YIPF7: variants seen among roughly 807,000 people sequenced by gnomAD.
YIPF7 encodes Yip1 domain family member 7.
A neutral mutation model predicts 27.2 loss-of-function variants in YIPF7; 35 were observed. The observed-to-expected ratio is 1.29, with a 90% CI of 0.98 to 1.70. The LOEUF (loss-of-function observed/expected upper bound fraction) is 1.70. Ranked by LOEUF, YIPF7 falls within the 40% of genes most tolerant of loss-of-function variation. The pLI is 0.00. For synonymous variants in YIPF7, 137 were observed against 110.4 expected, an observed-to-expected ratio of 1.24 and a Z score of -1.51; for missense variants, 358 against 303.7, an observed-to-expected ratio of 1.18 and a Z score of -1.33.
At chr4:44,642,219 A>C (rs1713348949) in intron 2 of YIPF7, among the ~76,000 whole-genome samples, 2 of 152,198 alleles carry the variant, frequency 1.3e-5, no homozygotes, top group Non-Finnish European at 2.9e-5. Context: ...ATCCTCTTCA[A>C]AGAGAAACAA....
upstream of YIPF7, among the ~76,000 whole-genome samples, chr4:44,652,572 A>G (rs369276514): frequency 8.5e-5 from 13 of 152,324 alleles, no homozygotes; most frequent in African/African-American, 3.1e-4. Flanking sequence ...AGCATTTGAA[A>G]TTTGAATGTC....
At chr4:44,660,124 A>AAAAAAAAAAAAAAAAAAAAAAAAAAAAAG (rs1188319616) in intron 2 of YIPF7, among the ~76,000 whole-genome samples, 1 of 145,932 alleles carries the variant, frequency 6.9e-6, no homozygotes, top group Non-Finnish European at 1.5e-5. Flanking sequence ...AAAAAAAAAA[A>AAAAAAAAAAAAAAAAAAAAAAAAAAAAAG]AAAAAAAAAA....
intron 1 of YIPF7, among the ~76,000 whole-genome samples, chr4:44,650,507 G>GCGCGCGCACACACACACA (rs6148421): frequency 1.5e-5 from 2 of 137,086 alleles, no homozygotes; most frequent in African/African-American, 5.4e-5. Flanking sequence ...GCGCGCGCGC[G>GCGCGCGCACACACACACA]CACACACACA....
intron 2 of YIPF7, among the ~76,000 whole-genome samples, chr4:44,636,615 G>T (rs1466079176): frequency 6.6e-6 from 1 of 152,088 alleles, no homozygotes; most frequent in Non-Finnish European, 1.5e-5. Context: ...ATAGTCAACT[G>T]ATAGGAAAAA....
chr4:44,626,313 C>T (rs543364100), intron 4 of YIPF7, among the ~76,000 whole-genome samples: 8 of 152,312 alleles, frequency 5.3e-5, no homozygotes, highest in African/African-American at 1.9e-4. Flanking sequence ...GGTGAGTTTG[C>T]TCCACTTGCA....
chr4:44,661,014 G>C (rs1714030584), intron 1 of YIPF7, among the ~76,000 whole-genome samples: 2 of 152,260 alleles, frequency 1.3e-5, no homozygotes, highest in Middle Eastern at 3.4e-3. Flanking sequence ...CATATAAGGA[G>C]ACTAAAATAC....
chr4:44,651,742 T>C (rs889654982), upstream of YIPF7: 4 of 548,860 alleles, frequency 7.3e-6, no homozygotes, highest in African/African-American at 7.8e-5. Flanking sequence ...TACAGTATCT[T>C]ATAACACTTA....
chr4:44,656,535 T>G (rs374113453), upstream of YIPF7, among the ~76,000 whole-genome samples: 13 of 152,188 alleles, frequency 8.5e-5, no homozygotes, highest in African/African-American at 3.1e-4. Context: ...GATAGAATTT[T>G]GCAAAAGGTA....
intron 2 of YIPF7, among the ~76,000 whole-genome samples, chr4:44,649,539 G>A (rs1475707072): frequency 6.6e-6 from 1 of 152,040 alleles, no homozygotes; most frequent in African/African-American, 2.4e-5. Flanking sequence ...GGGAGGCCCA[G>A]CGGGGCGGAT....
intron 4 of YIPF7, 108 bp downstream of exon 4, chr4:44,629,295 A>G: frequency 7.9e-7 from 1 of 1,260,382 alleles, no homozygotes; most frequent in Non-Finnish European, 1.0e-6. Context: ...CACTTAAAAA[A>G]TTCACTATGT....
At chr4:44,654,312 T>A (rs1192141447), upstream of YIPF7, among the ~76,000 whole-genome samples, 1 of 152,072 alleles carries the variant, frequency 6.6e-6, no homozygotes, top group Non-Finnish European at 1.5e-5. Flanking sequence ...CTCATCTGTT[T>A]TAGTAATTGT....
chr4:44,646,281 T>C (rs1029224840), intron 2 of YIPF7, among the ~76,000 whole-genome samples: 1 of 152,198 alleles, frequency 6.6e-6, no homozygotes, highest in Non-Finnish European at 1.5e-5. Context: ...ATGAGTTTGG[T>C]GGTAGCATGA....
chr4:44,660,719 AATT>A (rs1714025454), intron 1 of YIPF7: 1 of 33,312 alleles, frequency 3.0e-5, no homozygotes, highest in Non-Finnish European at 1.1e-4. Context: ...TGGTGAATGG[AATT>A]GGTTTTTGAA....
intron 2 of YIPF7, among the ~76,000 whole-genome samples, chr4:44,639,643 A>T (rs1333297343): frequency 6.6e-6 from 1 of 152,136 alleles, no homozygotes; most frequent in Non-Finnish European, 1.5e-5. Flanking sequence ...TAGAAATAAG[A>T]TCATATCATC....
intron 2 of YIPF7, among the ~76,000 whole-genome samples, chr4:44,659,704 A>T (rs1228577151): frequency 2.0e-5 from 3 of 152,174 alleles, no homozygotes; most frequent in African/African-American, 2.4e-5. Context: ...TGTTTTACAA[A>T]ATCTTTAGCT....
intron 2 of YIPF7, among the ~76,000 whole-genome samples, chr4:44,643,552 A>G (rs1241846107): frequency 6.6e-6 from 1 of 152,218 alleles, no homozygotes; most frequent in Non-Finnish European, 1.5e-5. Flanking sequence ...AAAAAGAGCC[A>G]TGTGCTATTA....
intron 2 of YIPF7, among the ~76,000 whole-genome samples, chr4:44,649,326 G>A (rs974263603): frequency 6.6e-6 from 1 of 152,100 alleles, no homozygotes; most frequent in Non-Finnish European, 1.5e-5. Flanking sequence ...GGTGATAAAG[G>A]GGATTCATGG....
intron 2 of YIPF7, among the ~76,000 whole-genome samples, chr4:44,639,035 T>C (rs1374306494): frequency 6.6e-6 from 1 of 152,202 alleles, no homozygotes; most frequent in African/African-American, 2.4e-5. Flanking sequence ...TTCTATTATG[T>C]TCCATTGATC....
At chr4:44,642,090 C>A (rs1429306533) in intron 2 of YIPF7, among the ~76,000 whole-genome samples, 1 of 152,048 alleles carries the variant, frequency 6.6e-6, no homozygotes, top group Non-Finnish European at 1.5e-5. Context: ...CTTGTCTGGC[C>A]TCACCATAAC....
Sources: gnomAD v4.1 joint callset for allele counts (sites outside exome capture counted in the v4.1 genomes callset) on GRCh38, gnomAD v4.1.1 for gene constraint, MANE v1.5 for transcripts, NCBI Gene and HGNC (gene_info 2026-07-23, HGNC 2026-07-21) for gene names.